The following N4BP1 variants were observed in gnomAD, a reference collection of about 807,000 sequenced individuals.
The protein encoded by N4BP1 is NEDD4 binding protein 1.
N4BP1 carries 21 observed loss-of-function variants against 70.9 expected under a neutral mutation model. The observed-to-expected ratio is 0.30, with a 90% CI of 0.21 to 0.43. The LOEUF (loss-of-function observed/expected upper bound fraction) is 0.43. Among genes scored for constraint, N4BP1 ranks in the 20% least tolerant of loss-of-function variants. The pLI is 1.00. For synonymous variants in N4BP1, 387 were observed against 394.6 expected (o/e 0.98, Z 0.23); for missense variants, 936 against 1,069.4 (o/e 0.88, Z 1.74).
intron 1 of N4BP1, chr16:48,587,519 G>T (rs1387723044): frequency 6.6e-6 from 1 of 152,114 alleles, no homozygotes; most frequent in Admixed American, 6.5e-5. Context: ...TTTACAAATG[G>T]AAAGAAAACA....
chr16:48,579,897 TCAG>T (rs1964151877), intron 1 of N4BP1, among the ~76,000 whole-genome samples: 1 of 151,982 alleles, frequency 6.6e-6, no homozygotes, highest in Non-Finnish European at 1.5e-5. Flanking sequence ...AGGGGTCAAT[TCAG>T]CATGACAGTA....
chr16:48,584,259 T>C (rs1017353785), intron 1 of N4BP1, among the ~76,000 whole-genome samples: 1 of 152,252 alleles, frequency 6.6e-6, no homozygotes, highest in Admixed American at 6.5e-5. Context: ...TAGTCTTTTC[T>C]GTGTTGTTGT....
At chr16:48,548,655 T>C (rs1043831082) in intron 4 of N4BP1, among the ~76,000 whole-genome samples, 2 of 152,048 alleles carry the variant, frequency 1.3e-5, no homozygotes, top group Non-Finnish European at 2.9e-5. Flanking sequence ...GAGACCAGTC[T>C]GGGCAACATG....
chr16:48,610,089 C>CCCGCCCGCGCCCCG lies in N4BP1; in HGVS notation c.-131_-118dup, dbSNP rs1369425037. The CCCGCCCGCGCCCCG allele has an allele frequency of 2.3e-6, 1 of 430,054 alleles. No individual in the cohort carries two copies. The highest frequency in any genetic ancestry group is 2.2e-5 in the African/African-American group (1 of 46,308). The allele number at this position is 430,054 out of a possible 1,614,324, so 26.6% of individuals were successfully genotyped here. On this transcript the variant is annotated 5_prime_UTR_variant, in exon 1 of 7. Transcript: ENST00000262384. ...GTCGGCCCTTCCCGGCCGCCTCGCC[C>CCCGCCCGCGCCCCG]CCGCCCGCGCCCCGCCGCCCGCCCT...
intron 1 of N4BP1, among the ~76,000 whole-genome samples, chr16:48,573,672 TCCC>T (rs1964054486): frequency 6.6e-6 from 1 of 151,946 alleles, no homozygotes; most frequent in Admixed American, 6.6e-5. Context: ...GTACCGACAC[TCCC>T]CCAACACAAT....
chr16:48,600,624 A>G lies in N4BP1; in HGVS notation c.198+9151T>C, dbSNP rs912071799. On this transcript the variant is annotated intron_variant, in intron 1 of 6. Coordinates refer to ENST00000262384, the MANE Select transcript of N4BP1 (RefSeq NM_153029.4). The stretch of plus-strand genomic sequence containing the variant: ...GAGAAAACAGTACAGCAGTTACAAG[A>G]GAATGTGGACATGGAAGATGCTTCT... The G allele has an allele frequency of 7.5e-6, 4 of 536,072 alleles. No individual in the cohort carries two copies. In the African/African-American group the frequency reaches 7.7e-5, roughly 10 times the overall value. 33.2% of individuals were successfully genotyped at this position (536,072 alleles called of 1,614,324 possible). A position where few individuals can be genotyped will look rare whatever the true frequency, so the allele number is the denominator to read the frequency against.
At chr16:48,553,737 T>G (rs765873962) in intron 2 of N4BP1, 68 bp from the exon 3 acceptor site, 29 of 1,308,566 alleles carry the variant, frequency 2.2e-5, no homozygotes, top group Non-Finnish European at 2.7e-5. Context: ...AGTTTCACCA[T>G]GAAAAGTTAA....
intron 4 of N4BP1, among the ~76,000 whole-genome samples, chr16:48,549,580 G>A (rs931061151): frequency 1.3e-5 from 2 of 152,132 alleles, no homozygotes; most frequent in African/African-American, 2.4e-5. Context: ...CTTCCATTCC[G>A]CCTTCTAGTA....
chr16:48,594,169 C>T (rs9923385), intron 1 of N4BP1, among the ~76,000 whole-genome samples: 2,934 of 152,022 alleles, frequency 0.019, 103 homozygotes, highest in African/African-American at 0.068. Flanking sequence ...AAAAAGGTGG[C>T]GGAGGGGGTG....
chr16:48,582,380 C>T (rs1041992453), intron 1 of N4BP1, among the ~76,000 whole-genome samples: 7 of 152,146 alleles, frequency 4.6e-5, no homozygotes, highest in Non-Finnish European at 7.4e-5. Flanking sequence ...GTATATACTA[C>T]CTGCCCAACA....
Position 48,546,397 on chromosome 16 carries a change from G to A in N4BP1, c.2226-143C>T, listed in dbSNP as rs1963592788. The A allele has an allele frequency of 6.4e-6, 3 of 466,204 alleles. 1 individual carries two copies. Among genetic ancestry groups the A allele is most frequent in the South Asian group, 1.1e-4 (2 of 18,962 alleles). 28.9% of individuals were successfully genotyped at this position (466,204 alleles called of 1,614,324 possible). A position where few individuals can be genotyped will look rare whatever the true frequency, so the allele number is the denominator to read the frequency against. ...TAAGACTGCTCAACTGCCTAAAAGCGGGGAAAACACCCAAGTCAAACCCTT... is the reference window on the plus strand; with the variant it reads ...TAAGACTGCTCAACTGCCTAAAAGCAGGGAAAACACCCAAGTCAAACCCTT... On this transcript the variant is annotated intron_variant, in intron 5 of 6. Transcript: ENST00000262384.
chr16:48,586,077 CTT>C (rs749725925), intron 1 of N4BP1, among the ~76,000 whole-genome samples: 5 of 152,192 alleles, frequency 3.3e-5, no homozygotes, highest in East Asian at 1.9e-4. Flanking sequence ...AACTTCAAGA[CTT>C]TGGCTAGACT....
rs755173536 is a variant in N4BP1 at position 48,561,427 on chromosome 16, T to A, written c.1216A>T (p.Thr406Ser). Residue 406 changes from threonine to serine, a missense_variant, in exon 2 of 7, where the codon ACC (threonine) becomes TCC (serine). Around this residue, in one of 4 missense-constraint regions of N4BP1, gnomAD observed 515 missense variants for 491.7 expected, o/e 1.05. Transcript: ENST00000262384. ...EFSAGTVYPE[T>S]NKTKNKGVYS... ...ACACCTTTATTTTTGGTTTTGTTGG[T>A]CTCTGGATACACTGTACCAGCTGAA... 6.2e-7 allele frequency: 1 copy of A among 1,613,922 alleles called. No homozygotes were observed. Among genetic ancestry groups the A allele is most frequent in the Non-Finnish European group, 8.5e-7 (1 of 1,179,874 alleles).
rs575980696 is a variant in N4BP1, at chr16:48,594,636, G to C, written c.198+15139C>G. 2.6e-5 allele frequency among the ~76,000 whole-genome samples: 4 copies of C among 152,278 alleles called. No individual in the cohort carries two copies. The South Asian group carries it at 8.3e-4, about 32-fold the overall frequency. ...CTCCCAAAGTGCTGGGATTATAGGTGTGAGCCACTGTGCCCGTCTGATATC... is the reference window on the plus strand; with the variant it reads ...CTCCCAAAGTGCTGGGATTATAGGTCTGAGCCACTGTGCCCGTCTGATATC... On this transcript the variant is annotated intron_variant, in intron 1 of 6. Transcript: ENST00000262384.
intron 1 of N4BP1, among the ~76,000 whole-genome samples, chr16:48,586,418 CTG>C (rs1964245809): frequency 1.3e-5 from 2 of 152,224 alleles, no homozygotes; most frequent in African/African-American, 2.4e-5. Flanking sequence ...AATACCCAGT[CTG>C]TGTTTAATGT....
At chr16:48,560,568 T>C (rs1453874929) in intron 2 of N4BP1, 186 bp downstream of exon 2, 2 of 638,358 alleles carry the variant, frequency 3.1e-6, no homozygotes, top group African/African-American at 1.9e-5. Context: ...GTAAAGTTCA[T>C]GAATCCAGAA....
At chr16:48,605,969 G>C (rs1417662344) in intron 1 of N4BP1, among the ~76,000 whole-genome samples, 2 of 152,182 alleles carry the variant, frequency 1.3e-5, no homozygotes, top group Non-Finnish European at 2.9e-5. Context: ...GGCTGGCAGA[G>C]CAACCCTTCC....
At chr16:48,552,711 A>G (rs1430639419) in intron 3 of N4BP1, among the ~76,000 whole-genome samples, 2 of 116,728 alleles carry the variant, frequency 1.7e-5, no homozygotes, top group African/African-American at 8.4e-5. Flanking sequence ...AAAAAAAAAA[A>G]AAAAAAAAAA....
In N4BP1 at chr16:48,539,954, G is replaced by A. The variant is rs1282375279; in HGVS notation, c.*2950C>T. ...TGCTCTCAGTCCGCTTTCACTTGGTGGGCGAAAGCCACATTTGCAAACTGG... is the reference window on the plus strand; with the variant it reads ...TGCTCTCAGTCCGCTTTCACTTGGTAGGCGAAAGCCACATTTGCAAACTGG... On this transcript the variant is annotated 3_prime_UTR_variant, in exon 7 of 7. Transcript: ENST00000262384. 6.6e-6 allele frequency: 1 copy of A among 152,380 alleles called. No individual in the cohort carries two copies. Among genetic ancestry groups the A allele is most frequent in the Non-Finnish European group, 1.5e-5 (1 of 68,132 alleles). The allele number at this position is 152,380 out of a possible 1,614,324, so 9.4% of individuals were successfully genotyped here.
Sources: gnomAD v4.1 joint callset for allele counts (sites outside exome capture counted in the v4.1 genomes callset) on GRCh38, gnomAD v4.1.1 for gene constraint, gnomAD v4.1.1 regional missense constraint, MANE v1.5 for transcripts, NCBI Gene and HGNC (gene_info 2026-07-23, HGNC 2026-07-21) for gene names.